VPS9D1: variants seen among roughly 807,000 people sequenced by gnomAD.
VPS9D1 encodes the protein VPS9 domain containing 1.
In VPS9D1, 78 loss-of-function variants were observed where a neutral mutation model predicts 75.8. The observed-to-expected ratio is 1.03, with a 90% CI of 0.86 to 1.24. VPS9D1 has a LOEUF of 1.24. Among genes scored for constraint, VPS9D1 ranks in the 50% most tolerant of loss-of-function variants. The pLI is 0.00. For missense variants in VPS9D1, 1,057 were observed against 847.7 expected (o/e 1.25, Z -3.07); for synonymous variants, 481 against 385.6 (o/e 1.25, Z -2.90).
chr16:89,710,487 C>A, intron 10 of VPS9D1, 99 bp downstream of exon 10: 1 of 1,329,908 alleles, frequency 7.5e-7, no homozygotes. Context: ...TGATCAGAGT[C>A]TCTGATCAAC....
chr16:89,715,044 G>C (rs1396417215), intron 4 of VPS9D1, among the ~76,000 whole-genome samples: 1 of 151,986 alleles, frequency 6.6e-6, no homozygotes, highest in African/African-American at 2.4e-5. Flanking sequence ...TCCATCTCTT[G>C]TTTTCTGTCT....
At chr16:89,717,809 T>C in intron 2 of VPS9D1, 1 of 456,690 alleles carries the variant, frequency 2.2e-6, no homozygotes, top group South Asian at 1.5e-5. Context: ...CCTAGGGAGC[T>C]GGGGCAACTG....
intron 10 of VPS9D1, 66 bp downstream of exon 10, chr16:89,710,520 T>C (rs1278132332): frequency 5.3e-6 from 8 of 1,506,862 alleles, no homozygotes; most frequent in Non-Finnish European, 7.1e-6. Context: ...AAACAGAAGC[T>C]TGAAACGGAC....
chr16:89,712,793 C>T, intron 4 of VPS9D1, 77 bp from the exon 5 acceptor site: 1 of 1,302,932 alleles, frequency 7.7e-7, no homozygotes. Context: ...CTCTCTCATC[C>T]TCCCGGATTG....
intron 10 of VPS9D1, 84 bp downstream of exon 10, chr16:89,710,502 C>A (rs1488487565): frequency 7.0e-7 from 1 of 1,433,530 alleles, no homozygotes; most frequent in African/African-American, 1.4e-5. Context: ...ATCAACAGAC[C>A]CTTCCCCAAA....
At chr16:89,710,334 C>T (rs1362481834) in intron 10 of VPS9D1, among the ~76,000 whole-genome samples, 1 of 152,078 alleles carries the variant, frequency 6.6e-6, no homozygotes, top group East Asian at 1.9e-4. Context: ...GCTTGTAATC[C>T]CAGCACTTTG....
chr16:89,718,660 C>T (rs554971335), intron 2 of VPS9D1, among the ~76,000 whole-genome samples: 1 of 152,262 alleles, frequency 6.6e-6, no homozygotes, highest in East Asian at 1.9e-4. Context: ...AGGATGCCCA[C>T]AATTTGTCCA....
intron 1 of VPS9D1, chr16:89,719,328 G>A (rs1457157694): frequency 3.2e-6 from 2 of 622,532 alleles, no homozygotes; most frequent in Non-Finnish European, 3.0e-6. Flanking sequence ...AAGACATCAG[G>A]ACCTGAGAGA....
Position 89,716,711 on chromosome 16 carries a change from C to T in VPS9D1, c.268+19G>A, listed in dbSNP as rs2061078331. The T allele has an allele frequency of 5.7e-6, 9 of 1,590,968 alleles. No individual in the cohort carries two copies. Among genetic ancestry groups the T allele is most frequent in the Non-Finnish European group, 7.7e-6 (9 of 1,167,540 alleles). On this transcript the variant is annotated intron_variant, in intron 3 of 14. Transcript: ENST00000389386. ...CTTGGGGGATGCCCCAGGAGAGCCGCCTACTGCAGGAGACCCACCAAGCTT... is the reference window on the plus strand; with the variant it reads ...CTTGGGGGATGCCCCAGGAGAGCCGTCTACTGCAGGAGACCCACCAAGCTT...
intron 14 of VPS9D1, 140 bp downstream of exon 14, chr16:89,708,287 A>T: frequency 1.2e-6 from 1 of 834,508 alleles, no homozygotes; most frequent in Non-Finnish European, 1.9e-6. Flanking sequence ...AGGTGGACCC[A>T]CAGGGGCTGC....
intron 4 of VPS9D1, among the ~76,000 whole-genome samples, chr16:89,714,766 C>T (rs867818791): frequency 5.9e-5 from 9 of 152,096 alleles, no homozygotes; most frequent in Admixed American, 1.3e-4. Context: ...GCCGGAGTCT[C>T]GCTCTGTTGC....
rs535737864 is a variant in VPS9D1, at chr16:89,716,966, C to G, written c.176-144G>C. ...GACCCCGGGCAAGCCCACTGCCCCC[C>G]CATCCCCTCACTGACCCTGGGCAAG... On this transcript the variant is annotated intron_variant, in intron 2 of 14. Transcript: ENST00000389386. The G allele has an allele frequency of 1.5e-4, 104 of 679,618 alleles. 2 individuals are homozygous for G. In the Middle Eastern group the frequency reaches 1.6e-3, roughly 11 times the overall value. 42.1% of individuals were successfully genotyped at this position (679,618 alleles called of 1,614,324 possible).
intron 10 of VPS9D1, 106 bp from the exon 11 acceptor site, chr16:89,710,012 C>T (rs951615716): frequency 2.7e-6 from 4 of 1,473,072 alleles, no homozygotes; most frequent in Non-Finnish European, 2.7e-6. Context: ...CTTTCCACCG[C>T]CTTCAAGCCT....
At chr16:89,719,958 A>T (rs1302649365) in intron 1 of VPS9D1, among the ~76,000 whole-genome samples, 3 of 152,184 alleles carry the variant, frequency 2.0e-5, no homozygotes, top group Non-Finnish European at 4.4e-5. Flanking sequence ...ACCTCAGGTG[A>T]TCCACCGCCT....
chr16:89,712,058 C>T lies in VPS9D1; in HGVS notation c.648G>A (p.Glu216=), dbSNP rs1267007779. 1.3e-6 allele frequency: 2 copies of T among 1,548,618 alleles called. No homozygotes were observed. Among genetic ancestry groups the T allele is most frequent in the African/African-American group, 1.4e-5 (1 of 72,982 alleles). The stretch of plus-strand genomic sequence containing the variant: ...GGCAGGAGTCCCACCTGTTGGCGGC[C>T]TCCTGGAGCCGCAGCCGGCGCTCCT... The part of the protein sequence containing the change: ...KMEERRLRLQ[E]AANRRFCSQV... Residue 216 remains glutamate, a synonymous_variant, in exon 7 of 15, where the codon GAG becomes GAA. Coordinates refer to ENST00000389386, the MANE Select transcript of VPS9D1 (RefSeq NM_004913.3).
intron 8 of VPS9D1, 104 bp downstream of exon 8, chr16:89,711,778 C>CT: frequency 7.3e-7 from 1 of 1,364,898 alleles, no homozygotes; most frequent in East Asian, 2.6e-5. Context: ...CACTGCCCCC[C>CT]ACAGCCTCTG....
chr16:89,719,100 C>A lies in VPS9D1; in HGVS notation c.102G>T (p.Glu34Asp). The A allele has an allele frequency of 1.2e-6, 2 of 1,613,486 alleles. No individual in the cohort carries two copies. The highest frequency in any genetic ancestry group is 1.7e-6 in the Non-Finnish European group (2 of 1,179,798). The change falls in exon 2 of 15, where the codon GAG becomes GAT. Residue 34 changes from glutamate (E) to aspartate (D), a missense_variant and splice_region_variant. Coordinates refer to ENST00000389386, the MANE Select transcript of VPS9D1 (RefSeq NM_004913.3). ...IELDTGNRPR[E>D]AYTEYLRSIH... ...TGCTCCTCAGGTATTCCGTGTATGCCTCCTGTGTCCAGGAAAGAGAAAGAG... is the reference window on the plus strand; with the variant it reads ...TGCTCCTCAGGTATTCCGTGTATGCATCCTGTGTCCAGGAAAGAGAAAGAG...
chr16:89,708,336 C>T (rs1445460384), intron 14 of VPS9D1, 91 bp downstream of exon 14: 4 of 1,286,920 alleles, frequency 3.1e-6, no homozygotes, highest in African/African-American at 1.5e-5. Flanking sequence ...CGCTACCCTC[C>T]CCAGCTGCTA....
At chr16:89,720,541 C>A in intron 1 of VPS9D1, 1 of 1,169,836 alleles carries the variant, frequency 8.5e-7, no homozygotes, top group Non-Finnish European at 1.1e-6. Flanking sequence ...GCTCAGCGAG[C>A]GGAGTGGAAA....
Sources: gnomAD v4.1 joint callset for allele counts (sites outside exome capture counted in the v4.1 genomes callset) on GRCh38, gnomAD v4.1.1 for gene constraint, MANE v1.5 for transcripts, NCBI Gene and HGNC (gene_info 2026-07-23, HGNC 2026-07-21) for gene names.